The following MYL11 variants were observed in gnomAD, a reference collection of about 807,000 sequenced individuals.
MYL11 encodes myosin regulatory light chain 11.
At chr16:30,377,207 C>T in the MYL11 span, among the ~76,000 whole-genome samples, 1 of 151,352 alleles carries the variant, frequency 6.6e-6, no homozygotes, top group Non-Finnish European at 1.5e-5. Flanking sequence ...TAGCAAAACT[C>T]CGTCTCCAAA....
At chr16:30,373,964 G>A in the MYL11 span, among the ~76,000 whole-genome samples, 3 of 151,988 alleles carry the variant, frequency 2.0e-5, no homozygotes, top group South Asian at 4.1e-4. Context: ...AGCCTAGCAC[G>A]TGGCACACTG....
chr16:30,375,190 G>A, the MYL11 span, among the ~76,000 whole-genome samples: 217 of 152,284 alleles, frequency 1.4e-3, 1 homozygote, highest in Non-Finnish European at 2.4e-3. Flanking sequence ...CTCAGGCCAG[G>A]TGCTGTGGTT....
the MYL11 span, chr16:30,375,826 A>C: frequency 6.2e-7 from 1 of 1,613,826 alleles, no homozygotes. Flanking sequence ...CCAGGCACCC[A>C]AGAGGGCCAA....
the MYL11 span, chr16:30,376,288 T>A: frequency 7.0e-6 from 11 of 1,581,536 alleles, no homozygotes; most frequent in Non-Finnish European, 8.6e-6. Context: ...TGGCCTTGGG[T>A]TCCAGCCCTG....
the MYL11 span, chr16:30,377,430 A>T: frequency 2.3e-6 from 1 of 439,206 alleles, no homozygotes; most frequent in Non-Finnish European, 4.0e-6. Flanking sequence ...AGGCACTGCC[A>T]GAGGTAAGGG....
the MYL11 span, among the ~76,000 whole-genome samples, chr16:30,374,172 G>A: frequency 6.6e-6 from 1 of 151,960 alleles, no homozygotes; most frequent in East Asian, 1.9e-4. Flanking sequence ...AAAAAAATTA[G>A]CCTGGCTTCG....
the MYL11 span, chr16:30,376,697 T>C: frequency 6.2e-7 from 1 of 1,613,480 alleles, no homozygotes; most frequent in Non-Finnish European, 8.5e-7. Flanking sequence ...CAAGAAGAAG[T>C]TGTAAGCATC....
At chr16:30,376,520 G>C in the MYL11 span, 8 of 1,614,128 alleles carry the variant, frequency 5.0e-6, no homozygotes, top group South Asian at 1.1e-5. Context: ...TCGGGGAGAA[G>C]CTCAAGGGTG....
chr16:30,377,476 C>A, the MYL11 span: 1 of 542,742 alleles, frequency 1.8e-6, no homozygotes, highest in Non-Finnish European at 3.0e-6. Context: ...GGTAAGATTG[C>A]ATTTTCACAG....
chr16:30,371,922 A>T, the MYL11 span, among the ~76,000 whole-genome samples: 1 of 151,902 alleles, frequency 6.6e-6, no homozygotes, highest in Non-Finnish European at 1.5e-5. Flanking sequence ...TGACCCCCAT[A>T]TTCTGATTTC....
At chr16:30,371,340 C>T in the MYL11 span, among the ~76,000 whole-genome samples, 1 of 152,142 alleles carries the variant, frequency 6.6e-6, no homozygotes, top group African/African-American at 2.4e-5. Context: ...GCTCCTGAGC[C>T]CCACACTCTG....
chr16:30,371,681 C>A, the MYL11 span, among the ~76,000 whole-genome samples: 1 of 152,066 alleles, frequency 6.6e-6, no homozygotes, highest in African/African-American at 2.4e-5. Context: ...ATCCATGAAT[C>A]CCTAATACCA....
At chr16:30,377,533 A>G in the MYL11 span, 3 of 1,040,102 alleles carry the variant, frequency 2.9e-6, no homozygotes, top group Admixed American at 3.3e-5. Flanking sequence ...GAGGCCAATG[A>G]AGGAAGTAGA....
the MYL11 span, chr16:30,376,668 C>G: frequency 6.2e-7 from 1 of 1,614,082 alleles, no homozygotes; most frequent in African/African-American, 1.3e-5. Flanking sequence ...GTCTTGGACC[C>G]TGAGGGAAAG....
the MYL11 span, among the ~76,000 whole-genome samples, chr16:30,373,248 G>A: frequency 2.0e-5 from 3 of 151,862 alleles, no homozygotes; most frequent in South Asian, 2.1e-4. Flanking sequence ...ATCTGAAGTC[G>A]GAATTCAAGA....
chr16:30,371,413 TTACTC>T, the MYL11 span, among the ~76,000 whole-genome samples: 5 of 152,020 alleles, frequency 3.3e-5, no homozygotes, highest in African/African-American at 7.3e-5. Context: ...CTCTCATCCT[TTACTC>T]TATAATTCTC....
At chr16:30,377,704 T>G in the MYL11 span, 1 of 1,565,412 alleles carries the variant, frequency 6.4e-7, no homozygotes, top group Non-Finnish European at 8.7e-7. Flanking sequence ...CAGGAGGAGG[T>G]GAGTGGGGAC....
At chr16:30,377,943 C>T in the MYL11 span, 1 of 1,541,248 alleles carries the variant, frequency 6.5e-7, no homozygotes, top group Non-Finnish European at 8.9e-7. Context: ...CTGTTCGGCC[C>T]GACCTCCACC....
At chr16:30,371,970 T>A in the MYL11 span, among the ~76,000 whole-genome samples, 1 of 152,194 alleles carries the variant, frequency 6.6e-6, no homozygotes, top group Admixed American at 6.5e-5. Flanking sequence ...CAGTGAGACC[T>A]AGCTCCCGAC....
Sources: allele counts gnomAD v4.1 joint callset (sites outside exome capture counted in the v4.1 genomes callset), GRCh38; gene constraint gnomAD v4.1.1; transcripts MANE v1.5; gene names NCBI Gene and HGNC (gene_info 2026-07-23, HGNC 2026-07-21).